Variants in AHNAK observed in about 807,000 individuals in gnomAD.
AHNAK encodes the protein neuroblast differentiation-associated protein AHNAK.
In AHNAK, 23 loss-of-function variants were observed where a neutral mutation model predicts 37.8. That is an observed-to-expected ratio of 0.61 (90% CI 0.44 to 0.86). The LOEUF is 0.86. Ranked by LOEUF, AHNAK falls within the 40% of genes least tolerant of loss-of-function variation. AHNAK has a pLI of 0.00. For missense variants in AHNAK, 7,411 were observed against 7,319.4 expected (o/e 1.01, Z -0.46); for synonymous variants, 2,481 against 2,636.3 (o/e 0.94, Z 1.80).
chr11:62,527,434 C>T lies in AHNAK; in HGVS notation c.6983G>A (p.Gly2328Glu). The T allele has an allele frequency of 1.2e-6, 2 of 1,614,146 alleles. No homozygotes were observed. Among genetic ancestry groups the T allele is most frequent in the African/African-American group, 1.3e-5 (1 of 75,032 alleles). ...DFNLKGPKIK[G>E]DVDVSAPKLE... ...CTTTGGGGCAGAAACATCAACATCT[C>T]CTTTGATTTTGGGTCCCTTTAAATT... is the stretch of plus-strand genomic sequence containing the variant. The change falls in exon 5 of 5, where the codon GGA becomes GAA. Residue 2328 changes from glycine (G) to glutamate (E), a missense_variant. Physicochemically the swap from Gly to Glu is moderately conservative, Grantham distance 98. Transcript: ENST00000378024.
rs1223375628 is a variant in AHNAK at position 62,531,291 on chromosome 11, G to T, written c.3126C>A (p.Ser1042Arg). Residue 1042 changes from serine (S) to arginine (R), a missense_variant, in exon 5 of 5, where the codon AGC (serine) becomes AGA (arginine). Ser to Arg is a moderately radical substitution (Grantham distance 110, BLOSUM62 -1). Transcript: ENST00000378024. ...PKVDTNAPDLSLEGPEGKLKG... is the reference protein window; with the variant it reads ...PKVDTNAPDLRLEGPEGKLKG... Reference sequence around the variant, plus strand: ...TCAACTTCCCTTCAGGTCCTTCAAGGCTCAGATCTGGAGCATTAGTATCTA... The same window carrying T: ...TCAACTTCCCTTCAGGTCCTTCAAGTCTCAGATCTGGAGCATTAGTATCTA... 1 of 1,613,360 alleles carries T rather than the reference G, an allele frequency of 6.2e-7. No homozygotes were observed. Among genetic ancestry groups the T allele is most frequent in the Non-Finnish European group, 8.5e-7 (1 of 1,179,778 alleles).
In AHNAK at chr11:62,529,930, G is replaced by A. The variant is rs1053595685; in HGVS notation, c.4487C>T (p.Ala1496Val). The change falls in exon 5 of 5, where the codon GCA becomes GTA. Residue 1496 changes from alanine to valine, a missense_variant. Coordinates refer to ENST00000378024, the MANE Select transcript of AHNAK (RefSeq NM_001620.3). ...DIKGPKVDINAPDVEVHGPDW... is the reference protein window; with the variant it reads ...DIKGPKVDINVPDVEVHGPDW... ...TGGGCCATGAACCTCCACATCTGGT[G>A]CATTAATATCAACTTTGGGGCCTTT... 15 of 1,612,730 alleles carry A rather than the reference G, an allele frequency of 9.3e-6. No homozygotes were observed. Among genetic ancestry groups the A allele is most frequent in the Non-Finnish European group, 1.2e-5 (14 of 1,179,730 alleles).
Position 62,533,486 on chromosome 11 carries a change from C to T in AHNAK, c.931G>A (p.Val311Met), listed in dbSNP as rs995533755. The change falls in exon 5 of 5, where the codon GTG (valine) becomes ATG (methionine). Residue 311 changes from valine (V) to methionine (M), a missense_variant. Coordinates refer to ENST00000378024, the MANE Select transcript of AHNAK (RefSeq NM_001620.3). ...CCTGTTGAGACACCAAATTTCGGCA[C>T]TTTCATGGTGGGAAATTTAATTTTG... ...HGKIKFPTMKVPKFGVSTGRE... is the reference protein window; with the variant it reads ...HGKIKFPTMKMPKFGVSTGRE... The T allele has an allele frequency of 3.1e-6, 5 of 1,614,206 alleles. No homozygotes were observed. The highest frequency in any genetic ancestry group is 1.1e-5 in the South Asian group (1 of 91,086).
intron 4 of AHNAK, among the ~76,000 whole-genome samples, chr11:62,502,573 T>C (rs1297731800): frequency 6.6e-6 from 1 of 152,132 alleles, no homozygotes; most frequent in Non-Finnish European, 1.5e-5. Flanking sequence ...TGGACAAGCA[T>C]ACTACTTCTC....
intron 4 of AHNAK, among the ~76,000 whole-genome samples, chr11:62,499,885 C>T (rs555920754): frequency 2.0e-5 from 3 of 152,314 alleles, no homozygotes; most frequent in African/African-American, 7.2e-5. Context: ...TCCCTTCAGG[C>T]GTCATCTGAC....
At chr11:62,435,507 G>T (rs1191035749) in intron 5 of AHNAK, among the ~76,000 whole-genome samples, 1 of 151,886 alleles carries the variant, frequency 6.6e-6, no homozygotes, top group Non-Finnish European at 1.5e-5. Flanking sequence ...GCCCCCCGGG[G>T]TTCCCGCCAT....
intron 4 of AHNAK, among the ~76,000 whole-genome samples, chr11:62,502,144 T>G (rs1939723698): frequency 6.6e-6 from 1 of 152,112 alleles, no homozygotes; most frequent in Non-Finnish European, 1.5e-5. Flanking sequence ...CCCACCTTTC[T>G]TGGGCTTCAG....
At chr11:62,505,305 T>G (rs1220628160) in intron 4 of AHNAK, among the ~76,000 whole-genome samples, 1 of 152,054 alleles carries the variant, frequency 6.6e-6, no homozygotes. Flanking sequence ...AAAATCTGCC[T>G]AGCAACGGGT....
At chr11:62,441,966 TG>T (rs1938315948) in intron 5 of AHNAK, among the ~76,000 whole-genome samples, 1 of 151,996 alleles carries the variant, frequency 6.6e-6, no homozygotes, top group Non-Finnish European at 1.5e-5. Flanking sequence ...GCATCTTTGG[TG>T]GGGTCACAAG....
chr11:62,479,160 C>CTTT (rs1939210250), intron 5 of AHNAK, among the ~76,000 whole-genome samples: 1 of 78,430 alleles, frequency 1.3e-5, no homozygotes, highest in Non-Finnish European at 2.8e-5. Flanking sequence ...CTTTTTTTTT[C>CTTT]TTTTTTCTTT....
chr11:62,502,163 C>T (rs1337688324), intron 4 of AHNAK, among the ~76,000 whole-genome samples: 1 of 152,136 alleles, frequency 6.6e-6, no homozygotes, highest in African/African-American at 2.4e-5. Flanking sequence ...AGGTCCTCGA[C>T]TTCAGAGTCT....
At chr11:62,440,817 T>G (rs12285781) in intron 5 of AHNAK, among the ~76,000 whole-genome samples, 9,243 of 151,932 alleles carry the variant, frequency 0.061, 429 homozygotes, top group African/African-American at 0.13. Context: ...TAGTGGGGGT[T>G]CACATCTGCT....
chr11:62,478,964 C>T (rs1384874234), intron 5 of AHNAK, among the ~76,000 whole-genome samples: 1 of 151,964 alleles, frequency 6.6e-6, no homozygotes, highest in Non-Finnish European at 1.5e-5. Context: ...CAACCTCCGC[C>T]TCCTGGATTC....
chr11:62,538,427 G>A (rs777898552), intron 1 of AHNAK, among the ~76,000 whole-genome samples: 9 of 152,202 alleles, frequency 5.9e-5, no homozygotes, highest in South Asian at 2.1e-4. Flanking sequence ...ATAGGGCCAC[G>A]GACTACAGCC....
At chr11:62,511,012 G>T (rs559341778), downstream of AHNAK, among the ~76,000 whole-genome samples, 3 of 152,226 alleles carry the variant, frequency 2.0e-5, no homozygotes, top group South Asian at 6.2e-4. Flanking sequence ...AAAGAGCTAA[G>T]GTGGCACTCT....
At position 62,516,307 on chromosome 11, in the gene AHNAK, G is replaced by A. The variant is rs1043539754; in HGVS notation, c.*437C>T. 2 of 1,289,228 alleles carry A rather than the reference G, an allele frequency of 1.6e-6. No homozygotes were observed. The highest frequency in any genetic ancestry group is 1.1e-4 in the East Asian group (2 of 18,038). 79.9% of individuals were successfully genotyped at this position (1,289,228 alleles called of 1,614,324 possible). A position where few individuals can be genotyped will look rare whatever the true frequency, so the allele number is the denominator to read the frequency against. On this transcript the variant is annotated 3_prime_UTR_variant, in exon 5 of 5. Coordinates refer to ENST00000378024, the MANE Select transcript of AHNAK (RefSeq NM_001620.3). ...CCAGTCTCAGGAAAGAGGAAGACCT[G>A]ACCTCCGTCTGCAACCCATCACCCC...
At position 62,529,061 on chromosome 11, in the gene AHNAK, C is replaced by T. The variant is rs369836701; in HGVS notation, c.5356G>A (p.Val1786Met). Reference sequence around the variant, plus strand: ...TTGGGTCCCTTCAAATTCAAGTCCACATCTGGCATGGAGACCTTGGGAGCT... The same window carrying T: ...TTGGGTCCCTTCAAATTCAAGTCCATATCTGGCATGGAGACCTTGGGAGCT... ...IKAPKVSMPDVDLNLKGPKLK... is the reference protein window; with the variant it reads ...IKAPKVSMPDMDLNLKGPKLK... Residue 1786 changes from valine (V) to methionine (M), a missense_variant, in exon 5 of 5, where the codon GTG (valine) becomes ATG (methionine). Transcript: ENST00000378024. 13 of 1,614,236 alleles carry T rather than the reference C, an allele frequency of 8.1e-6. No homozygotes were observed. The East Asian group carries it at 2.2e-4, about 28-fold the overall frequency.
chr11:62,481,104 G>GTTTTTTTTTTTTTT (rs1369783242), intron 5 of AHNAK, among the ~76,000 whole-genome samples: 2 of 43,832 alleles, frequency 4.6e-5, no homozygotes, highest in Non-Finnish European at 1.1e-4. Flanking sequence ...TTTTTTTTTG[G>GTTTTTTTTTTTTTT]TTTTTTTTTT....
At chr11:62,479,316 C>G (rs1939216887) in intron 5 of AHNAK, among the ~76,000 whole-genome samples, 1 of 151,840 alleles carries the variant, frequency 6.6e-6, no homozygotes, top group Non-Finnish European at 1.5e-5. Flanking sequence ...TACAGGCATG[C>G]ACCACCACGT....
Sources: allele counts gnomAD v4.1 joint callset (sites outside exome capture counted in the v4.1 genomes callset), GRCh38; gene constraint gnomAD v4.1.1; transcripts MANE v1.5; gene names NCBI Gene and HGNC (gene_info 2026-07-23, HGNC 2026-07-21).